Variants in EPHB1 observed in about 807,000 individuals in gnomAD.
EPHB1 encodes EPH receptor B1, also known as ephrin type-B receptor 1.
In EPHB1, 30 loss-of-function variants were observed where a neutral mutation model predicts 94.4. The observed-to-expected ratio is 0.32, with a 90% CI of 0.24 to 0.43. The LOEUF is 0.43. Ranked by LOEUF, EPHB1 falls within the 20% of genes least tolerant of loss-of-function variation. EPHB1 has a pLI of 1.00. For missense variants in EPHB1, 1,055 were observed against 1,308.3 expected, an observed-to-expected ratio of 0.81 and a Z score of 2.99; for synonymous variants, 522 against 489.1, an observed-to-expected ratio of 1.07 and a Z score of -0.89.
rs377358363 is a variant in EPHB1, at chr3:135,208,694, C to G, written c.2346+7005C>G. ...GGTATAAATATGGAAAGCATAAAAG[C>G]TAGAATGAATTGTATGCTGTGGAAT... On this transcript the variant is annotated intron_variant, in intron 12 of 15. Coordinates refer to ENST00000398015, the MANE Select transcript of EPHB1 (RefSeq NM_004441.5). Among the ~76,000 whole-genome samples, 8 of 152,102 alleles carry G rather than the reference C, an allele frequency of 5.3e-5. No homozygotes were observed. In the East Asian group the frequency reaches 1.3e-3, roughly 26 times the overall value.
intron 1 of EPHB1, among the ~76,000 whole-genome samples, chr3:134,818,610 C>T (rs2036316064): frequency 6.6e-6 from 1 of 152,208 alleles, no homozygotes; most frequent in African/African-American, 2.4e-5. Context: ...GCTTAGCTCC[C>T]ACGTATCAGT....
chr3:134,860,195 A>ACACACACACACACACT (rs2037224032), intron 1 of EPHB1, among the ~76,000 whole-genome samples: 2 of 150,472 alleles, frequency 1.3e-5, no homozygotes, highest in Non-Finnish European at 3.0e-5. Flanking sequence ...ACACACACAC[A>ACACACACACACACACT]CTCTGGGAAA....
intron 1 of EPHB1, among the ~76,000 whole-genome samples, chr3:134,815,376 G>A (rs527643767): frequency 6.6e-6 from 1 of 151,702 alleles, no homozygotes; most frequent in South Asian, 2.1e-4. Context: ...ATGAATGTGT[G>A]TATATAATAT....
intron 1 of EPHB1, among the ~76,000 whole-genome samples, chr3:134,821,716 A>G (rs543207411): frequency 2.6e-5 from 4 of 152,238 alleles, no homozygotes; most frequent in Admixed American, 2.0e-4. Context: ...GAGGACTCCT[A>G]TGTCTTTCTC....
At chr3:135,215,838 A>G (rs1943138506) in intron 12 of EPHB1, among the ~76,000 whole-genome samples, 1 of 152,158 alleles carries the variant, frequency 6.6e-6, no homozygotes, top group African/African-American at 2.4e-5. Flanking sequence ...TTCCCAGATG[A>G]TGCCGATCCT....
At chr3:135,201,809 T>G (rs1559873100) in intron 12 of EPHB1, 120 bp downstream of exon 12, 4 of 963,888 alleles carry the variant, frequency 4.1e-6, no homozygotes, top group Non-Finnish European at 6.2e-6. Context: ...AGCTCTCCAC[T>G]GAAAGACCAA....
At chr3:135,254,536 A>G (rs2107734248) in intron 15 of EPHB1, among the ~76,000 whole-genome samples, 1 of 151,652 alleles carries the variant, frequency 6.6e-6, no homozygotes, top group African/African-American at 2.4e-5. Flanking sequence ...GCGTATATTG[A>G]ACCAGCCTTG....
chr3:134,861,720 T>A (rs1220891838), intron 1 of EPHB1, among the ~76,000 whole-genome samples: 1 of 152,036 alleles, frequency 6.6e-6, no homozygotes, highest in Non-Finnish European at 1.5e-5. Flanking sequence ...AATAGCTTGT[T>A]TGGCATCGGG....
Position 135,201,467 on chromosome 3 carries a change from AT to A in EPHB1, c.2131-5del. The A allele has an allele frequency of 6.2e-7, 1 of 1,613,902 alleles. No individual in the cohort carries two copies. Among genetic ancestry groups the A allele is most frequent in the East Asian group, 2.2e-5 (1 of 44,842 alleles). ...TTGATCCCAATGCCCTCTATGTCTT[AT>A]TACAGCAAAATGACGGGCAGTTCAC... On this transcript the variant is annotated splice_polypyrimidine_tract_variant and splice_region_variant and intron_variant, in intron 11 of 15. Coordinates refer to ENST00000398015, the MANE Select transcript of EPHB1 (RefSeq NM_004441.5).
At chr3:135,086,876 T>A (rs1219411371) in intron 3 of EPHB1, among the ~76,000 whole-genome samples, 1 of 152,234 alleles carries the variant, frequency 6.6e-6, no homozygotes, top group African/African-American at 2.4e-5. Flanking sequence ...GGAGTGATGT[T>A]GCTGAAGCTG....
chr3:134,843,358 G>C (rs143023145), intron 1 of EPHB1, among the ~76,000 whole-genome samples: 213 of 152,264 alleles, frequency 1.4e-3, no homozygotes, highest in Middle Eastern at 3.4e-3. Context: ...ATCTAGTTGG[G>C]AATCTCCTCG....
At chr3:135,257,930 A>C (rs1234742972) in intron 15 of EPHB1, among the ~76,000 whole-genome samples, 2 of 151,780 alleles carry the variant, frequency 1.3e-5, no homozygotes, top group African/African-American at 2.4e-5. Context: ...CCGTGTTTTA[A>C]GCCTGTCGGA....
intron 2 of EPHB1, among the ~76,000 whole-genome samples, chr3:134,948,513 GA>G (rs1297518375): frequency 6.6e-6 from 1 of 151,974 alleles, no homozygotes; most frequent in Non-Finnish European, 1.5e-5. Context: ...ACATTTGATA[GA>G]ACAAAACACA....
intron 13 of EPHB1, among the ~76,000 whole-genome samples, chr3:135,242,499 G>A (rs1943811149): frequency 6.6e-6 from 1 of 152,164 alleles, no homozygotes; most frequent in South Asian, 2.1e-4. Context: ...AGAGACTGTG[G>A]AAAGAGGAGC....
At chr3:134,876,081 C>A (rs1277304380) in intron 1 of EPHB1, among the ~76,000 whole-genome samples, 1 of 152,202 alleles carries the variant, frequency 6.6e-6, no homozygotes, top group Non-Finnish European at 1.5e-5. Context: ...CATCCTCCAG[C>A]ATGTGGTCTA....
At chr3:135,230,589 A>T (rs576368651) in intron 12 of EPHB1, among the ~76,000 whole-genome samples, 52 of 152,276 alleles carry the variant, frequency 3.4e-4, no homozygotes, top group Middle Eastern at 3.4e-3. Flanking sequence ...TTTAATTTAA[A>T]TTTTTAAAAT....
intron 1 of EPHB1, among the ~76,000 whole-genome samples, chr3:134,845,861 G>T (rs941727406): frequency 6.6e-6 from 1 of 152,162 alleles, no homozygotes; most frequent in African/African-American, 2.4e-5. Flanking sequence ...TTTTCACAGA[G>T]GATGCACCCT....
intron 4 of EPHB1, among the ~76,000 whole-genome samples, chr3:135,123,508 G>A (rs986529337): frequency 6.6e-6 from 1 of 152,100 alleles, no homozygotes; most frequent in Non-Finnish European, 1.5e-5. Flanking sequence ...ATATGAACAA[G>A]TTTCATCAAG....
intron 11 of EPHB1, among the ~76,000 whole-genome samples, chr3:135,196,216 T>C (rs1443899318): frequency 1.3e-5 from 2 of 152,162 alleles, no homozygotes; most frequent in African/African-American, 4.8e-5. Flanking sequence ...TTTGAGTTCA[T>C]TGTAGATTCT....
Sources: gnomAD v4.1 joint callset for allele counts (sites outside exome capture counted in the v4.1 genomes callset) on GRCh38, gnomAD v4.1.1 for gene constraint, MANE v1.5 for transcripts, NCBI Gene and HGNC (gene_info 2026-07-23, HGNC 2026-07-21) for gene names.